Variants in SORCS2 observed in about 807,000 individuals in gnomAD.
SORCS2 encodes the protein VPS10 domain-containing receptor SorCS2.
SORCS2 carries 100 observed loss-of-function variants against 141.6 expected under a neutral mutation model. That is an observed-to-expected ratio of 0.71 (90% confidence interval 0.60 to 0.83). The LOEUF is 0.83. Among genes scored for constraint, SORCS2 ranks in the 40% least tolerant of loss-of-function variants. The probability of loss-of-function intolerance (pLI) is 0.00; values close to 1 mark genes in which losing one functional copy is unlikely to be tolerated. For synonymous variants in SORCS2, 789 were observed against 676.9 expected, an observed-to-expected ratio of 1.17 and a Z score of -2.57; for missense variants, 1,646 against 1,560.2, an observed-to-expected ratio of 1.05 and a Z score of -0.93.
chr4:7,354,219 AG>A (rs1294013750), intron 1 of SORCS2, among the ~76,000 whole-genome samples: 24 of 152,170 alleles, frequency 1.6e-4, no homozygotes, highest in Non-Finnish European at 3.2e-4. Context: ...GGGAAAGGCC[AG>A]GGCAGTAGAG....
intron 9 of SORCS2, among the ~76,000 whole-genome samples, 190 bp from the exon 10 acceptor site, chr4:7,682,553 C>T (rs930683812): frequency 1.3e-5 from 2 of 152,188 alleles, no homozygotes; most frequent in Non-Finnish European, 2.9e-5. Context: ...AAACTGGGGC[C>T]AGAGTCTTGA....
chr4:7,506,386 TG>T (rs1170943105), intron 2 of SORCS2, among the ~76,000 whole-genome samples: 3 of 152,186 alleles, frequency 2.0e-5, no homozygotes, highest in Non-Finnish European at 4.4e-5. Flanking sequence ...TTTGCCATGG[TG>T]ATGGATTTGT....
chr4:7,303,035 A>G (rs1168412664), intron 1 of SORCS2, among the ~76,000 whole-genome samples: 1 of 152,174 alleles, frequency 6.6e-6, no homozygotes, highest in East Asian at 1.9e-4. Flanking sequence ...CTGTGTGCAC[A>G]GTGGAATGTT....
In SORCS2 at chr4:7,372,281, A is replaced by C. The variant is rs576464550; in HGVS notation, c.481-24007A>C. Among the ~76,000 whole-genome samples, 7 of 152,304 alleles carry C rather than the reference A, an allele frequency of 4.6e-5. 1 individual carries two copies. The East Asian group carries it at 1.3e-3, about 29-fold the overall frequency. Reference sequence around the variant, plus strand: ...TTAAAGTTAGGTTTATGGAGGTATAAATTACATGTAGTAAAATTCACTTTT... The same window carrying C: ...TTAAAGTTAGGTTTATGGAGGTATACATTACATGTAGTAAAATTCACTTTT... On this transcript the variant is annotated intron_variant, in intron 1 of 26. Transcript: ENST00000507866.
chr4:7,627,870 G>C (rs978235207), intron 3 of SORCS2, among the ~76,000 whole-genome samples: 1 of 152,246 alleles, frequency 6.6e-6, no homozygotes, highest in Non-Finnish European at 1.5e-5. Flanking sequence ...CAAGGACTTA[G>C]AGGCTTCCTT....
At chr4:7,735,804 G>A (rs1196315816) in intron 25 of SORCS2, among the ~76,000 whole-genome samples, 2 of 152,194 alleles carry the variant, frequency 1.3e-5, no homozygotes, top group Non-Finnish European at 2.9e-5. Context: ...GCCCAGGTCA[G>A]GAATCCCACC....
At chr4:7,318,419 C>A (rs941320159) in intron 1 of SORCS2, among the ~76,000 whole-genome samples, 1 of 152,202 alleles carries the variant, frequency 6.6e-6, no homozygotes, top group African/African-American at 2.4e-5. Context: ...CCCTCAGGGG[C>A]CCACAGACCT....
In SORCS2 at chr4:7,434,789, T is replaced by C. The variant is rs775052328; in HGVS notation, c.548+38434T>C. On this transcript the variant is annotated intron_variant, in intron 2 of 26. Transcript: ENST00000507866. Reference sequence around the variant, plus strand: ...GTCTGCAGATCCTGACACCACACCGTGGAGCCCTTTGCACACTCCTGGGGG... The same window carrying C: ...GTCTGCAGATCCTGACACCACACCGCGGAGCCCTTTGCACACTCCTGGGGG... The C allele has an allele frequency of 2.9e-5, 46 of 1,610,962 alleles. 2 individuals carry two copies. The South Asian group carries it at 4.8e-4, about 17-fold the overall frequency.
Position 7,339,096 on chromosome 4 carries a change from C to T in SORCS2, c.481-57192C>T, listed in dbSNP as rs139047373. On this transcript the variant is annotated intron_variant, in intron 1 of 26. Coordinates refer to ENST00000507866, the MANE Select transcript of SORCS2 (RefSeq NM_020777.3). ...GATGTGGTATCACCTGCCATTTCGC[C>T]GTGGCCTGGATGTGAACTGTGGCCC... Among the ~76,000 whole-genome samples, 28 of 152,330 alleles carry T rather than the reference C, an allele frequency of 1.8e-4. 1 individual carries two copies. The East Asian group carries it at 4.6e-3, about 25-fold the overall frequency.
At chr4:7,464,843 G>T (rs151074290) in intron 2 of SORCS2, among the ~76,000 whole-genome samples, 1 of 152,368 alleles carries the variant, frequency 6.6e-6, no homozygotes, top group African/African-American at 2.4e-5. Flanking sequence ...AGGGGCCTGA[G>T]AAATGCAGAT....
At chr4:7,337,585 G>A (rs573435434) in intron 1 of SORCS2, among the ~76,000 whole-genome samples, 65 of 152,310 alleles carry the variant, frequency 4.3e-4, no homozygotes, top group African/African-American at 1.5e-3. Context: ...AAGGCTGGTG[G>A]TAGTAGGCCA....
At chr4:7,426,610 A>T (rs1257066474) in intron 2 of SORCS2, among the ~76,000 whole-genome samples, 1 of 152,146 alleles carries the variant, frequency 6.6e-6, no homozygotes, top group Non-Finnish European at 1.5e-5. Flanking sequence ...GCCCGATGGA[A>T]ATAGCACATG....
At chr4:7,245,518 G>T (rs574292596) in intron 1 of SORCS2, among the ~76,000 whole-genome samples, 1 of 152,244 alleles carries the variant, frequency 6.6e-6, no homozygotes, top group South Asian at 2.1e-4. Flanking sequence ...CTTGCTAGTT[G>T]CGTGGCCTCG....
chr4:7,339,201 G>A (rs928410211), intron 1 of SORCS2, among the ~76,000 whole-genome samples: 8 of 152,218 alleles, frequency 5.3e-5, no homozygotes, highest in Admixed American at 1.3e-4. Flanking sequence ...TCACCCCTCC[G>A]TGTGCACAGC....
intron 1 of SORCS2, among the ~76,000 whole-genome samples, chr4:7,297,469 G>T (rs954805691): frequency 5.3e-5 from 8 of 151,996 alleles, no homozygotes; most frequent in Non-Finnish European, 1.0e-4. Context: ...AGCTCTGGGG[G>T]TTGGGAAGCT....
chr4:7,192,940 C>CGGTCCCGCT lies in SORCS2; in HGVS notation c.295_303dup (p.Gly99_Ala101dup). 3.9e-6 allele frequency: 5 copies of CGGTCCCGCT among 1,297,054 alleles called. No homozygotes were observed. The highest frequency in any genetic ancestry group is 4.9e-6 in the Non-Finnish European group (5 of 1,028,166). The allele number at this position is 1,297,054 out of a possible 1,614,324, so 80.3% of individuals were successfully genotyped here. On this transcript the variant is annotated inframe_insertion, in exon 1 of 27. Transcript: ENST00000507866. The surrounding 1 kb of genome is among the most constrained non-coding windows in gnomAD (Gnocchi z 4.0). ...AGCCAGGCGCCCCGGGTCCGAGTCC[C>CGGTCCCGCT]GGTCCCGCTCCTGGTCCCGGCGAGG...
intron 17 of SORCS2, among the ~76,000 whole-genome samples, chr4:7,716,737 A>C (rs1726220357): frequency 6.6e-6 from 1 of 152,170 alleles, no homozygotes; most frequent in South Asian, 2.1e-4. Context: ...CTACCCATGC[A>C]CCTATGTATC....
chr4:7,594,103 C>T (rs1717100651), intron 3 of SORCS2, among the ~76,000 whole-genome samples: 1 of 152,192 alleles, frequency 6.6e-6, no homozygotes, highest in East Asian at 1.9e-4. Flanking sequence ...CTCACAATGC[C>T]CCCAGGCTCT....
chr4:7,566,208 G>A (rs982322016), intron 3 of SORCS2, among the ~76,000 whole-genome samples: 3 of 151,854 alleles, frequency 2.0e-5, no homozygotes, highest in Non-Finnish European at 4.4e-5. Flanking sequence ...TGGTGATGGT[G>A]GTGATGATGA....
Sources: gnomAD v4.1 joint callset for allele counts (sites outside exome capture counted in the v4.1 genomes callset) on GRCh38, gnomAD v4.1.1 for gene constraint, Gnocchi (gnomAD v3.1) non-coding constraint, MANE v1.5 for transcripts, NCBI Gene and HGNC (gene_info 2026-07-23, HGNC 2026-07-21) for gene names.